The following ATOH8 variants were observed in gnomAD, a reference collection of about 807,000 sequenced individuals.
The protein encoded by ATOH8 is transcription factor ATOH8.
Under a neutral mutation model 21.2 loss-of-function variants are expected in ATOH8, and 9 were observed. The ratio of observed to expected loss-of-function variants is 0.42; its 90% CI spans 0.26 to 0.74. The LOEUF (loss-of-function observed/expected upper bound fraction) is 0.74, where lower values mean the gene tolerates loss of function less well. Among genes scored for constraint, ATOH8 ranks in the 30% least tolerant of loss-of-function variants. ATOH8 has a pLI of 0.24. For synonymous variants in ATOH8, 253 were observed against 224.0 expected (o/e 1.13, Z -1.16); for missense variants, 524 against 470.9 (o/e 1.11, Z -1.04).
At chr2:85,756,717 G>A (rs1236451005) in intron 1 of ATOH8, among the ~76,000 whole-genome samples, 1 of 152,190 alleles carries the variant, frequency 6.6e-6, no homozygotes, top group East Asian at 1.9e-4. Flanking sequence ...CCCAGAGATG[G>A]AAGGAGACTT....
In ATOH8 at chr2:85,790,769, G is replaced by A. The variant is rs13385658; in HGVS notation, c.*3879G>A. 0.049 allele frequency among the ~76,000 whole-genome samples: 7,402 copies of A among 152,266 alleles called. 615 individuals are homozygous for A. The highest frequency in any genetic ancestry group is 0.17 in the African/African-American group (7,068 of 41,512). On this transcript the variant is annotated 3_prime_UTR_variant, in exon 3 of 3. Transcript: ENST00000306279. ...GAGCTTGCCGGTGAGCCTGGACGGAGGCATAGGTGCAGCTAATTAGGATAA... is the reference window on the plus strand; with the variant it reads ...GAGCTTGCCGGTGAGCCTGGACGGAAGCATAGGTGCAGCTAATTAGGATAA...
chr2:85,773,081 G>A (rs916816447), intron 2 of ATOH8: 7 of 354,488 alleles, frequency 2.0e-5, no homozygotes, highest in Admixed American at 1.2e-4. Context: ...GAGTCATTCC[G>A]CCGTCACCCT....
intron 2 of ATOH8, among the ~76,000 whole-genome samples, chr2:85,784,140 T>G (rs534787019): frequency 1.3e-5 from 2 of 152,282 alleles, no homozygotes; most frequent in South Asian, 4.1e-4. Flanking sequence ...TCCTGAGACC[T>G]TCCCCCTGGT....
At chr2:85,757,237 G>A (rs1050854730) in intron 1 of ATOH8, among the ~76,000 whole-genome samples, 3 of 152,252 alleles carry the variant, frequency 2.0e-5, no homozygotes, top group Admixed American at 1.3e-4. Flanking sequence ...GACGTTTCTG[G>A]TCATAGAACC....
Position 85,786,916 on chromosome 2 carries a change from C to G in ATOH8, c.*26C>G, listed in dbSNP as rs200261130. The G allele has an allele frequency of 6.2e-7, 1 of 1,614,104 alleles. No individual in the cohort carries two copies. Among genetic ancestry groups the G allele is most frequent in the East Asian group, 2.2e-5 (1 of 44,884 alleles). On this transcript the variant is annotated 3_prime_UTR_variant, in exon 3 of 3. Transcript: ENST00000306279. ...CTGGCTGCAGGCAAGACCAAGGCCA[C>G]CACTGTGGGCCCTCCTTCCAGTCAG... is the stretch of plus-strand genomic sequence containing the variant.
intron 2 of ATOH8, chr2:85,781,063 C>A (rs149264088): frequency 1.7e-4 from 166 of 988,096 alleles, no homozygotes; most frequent in Non-Finnish European, 1.9e-4. Flanking sequence ...GAAAGCAGAT[C>A]TGTCAAACGC....
chr2:85,756,118 G>A (rs574514548), intron 1 of ATOH8, among the ~76,000 whole-genome samples: 161 of 144,560 alleles, frequency 1.1e-3, no homozygotes, highest in African/African-American at 3.9e-3. Flanking sequence ...GGAGGAAAGA[G>A]GCCCTATGAC....
intron 2 of ATOH8, chr2:85,774,383 C>G: frequency 1.0e-6 from 1 of 985,590 alleles, no homozygotes; most frequent in Non-Finnish European, 1.2e-6. Context: ...CAGGCCCTGG[C>G]TCCCCACATC....
chr2:85,769,292 G>T (rs1007609013), intron 2 of ATOH8, among the ~76,000 whole-genome samples: 1 of 152,228 alleles, frequency 6.6e-6, no homozygotes, highest in South Asian at 2.1e-4. Flanking sequence ...CCCTCAAGTT[G>T]CTCAAAGGCC....
chr2:85,756,730 C>G (rs1350809434), intron 1 of ATOH8, among the ~76,000 whole-genome samples: 1 of 152,168 alleles, frequency 6.6e-6, no homozygotes, highest in African/African-American at 2.4e-5. Flanking sequence ...GGAGACTTGT[C>G]CAAGGTCACC....
chr2:85,767,752 A>C (rs990877318), intron 2 of ATOH8, among the ~76,000 whole-genome samples: 1 of 152,180 alleles, frequency 6.6e-6, no homozygotes. Flanking sequence ...GAAAAAGCAA[A>C]CCAAAGAATT....
intron 2 of ATOH8, chr2:85,783,538 A>G: frequency 6.5e-6 from 1 of 152,806 alleles, no homozygotes. Flanking sequence ...ATTGCGCTCC[A>G]GCCTGGGCAA....
At chr2:85,767,005 C>T (rs891831408) in intron 2 of ATOH8, among the ~76,000 whole-genome samples, 3 of 152,134 alleles carry the variant, frequency 2.0e-5, no homozygotes, top group African/African-American at 7.2e-5. Context: ...GGGGAGGGTA[C>T]TTCCCTGCCT....
chr2:85,775,903 C>T (rs770492051), intron 2 of ATOH8, among the ~76,000 whole-genome samples: 7 of 152,184 alleles, frequency 4.6e-5, no homozygotes, highest in Non-Finnish European at 1.0e-4. Flanking sequence ...AATGTCAGAG[C>T]CCCACTTCTT....
intron 1 of ATOH8, among the ~76,000 whole-genome samples, chr2:85,762,572 GCTATTAGGGCC>G (rs2104503674): frequency 6.6e-6 from 1 of 152,272 alleles, no homozygotes; most frequent in South Asian, 2.1e-4. Context: ...CAGACGGGGT[GCTATTAGGGCC>G]CTATTAAGGG....
At chr2:85,762,887 A>G (rs1463145472) in intron 1 of ATOH8, among the ~76,000 whole-genome samples, 1 of 152,174 alleles carries the variant, frequency 6.6e-6, no homozygotes, top group African/African-American at 2.4e-5. Flanking sequence ...CCTAGGGGAC[A>G]AAATCATCCC....
rs886400097 is a variant in ATOH8, at chr2:85,787,822, T to C, written c.*932T>C. On this transcript the variant is annotated 3_prime_UTR_variant, in exon 3 of 3. Transcript: ENST00000306279. ...CGTGGCCTGAGGAAGGAGTAGAGGC[T>C]GGGTTGGCTGGAGCCGTCCTACTGG... 2.6e-5 allele frequency: 4 copies of C among 152,844 alleles called. No homozygotes were observed. The highest frequency in any genetic ancestry group is 5.9e-5 in the Non-Finnish European group (4 of 68,222). 9.5% of individuals were successfully genotyped at this position (152,844 alleles called of 1,614,324 possible). A position where few individuals can be genotyped will look rare whatever the true frequency, so the allele number is the denominator to read the frequency against.
chr2:85,756,575 T>C (rs551827017), intron 1 of ATOH8, among the ~76,000 whole-genome samples: 6 of 152,314 alleles, frequency 3.9e-5, no homozygotes, highest in African/African-American at 1.4e-4. Flanking sequence ...AGAATACTCA[T>C]CTGAGTGCTT....
chr2:85,777,056 G>A, intron 2 of ATOH8, among the ~76,000 whole-genome samples: 1 of 152,078 alleles, frequency 6.6e-6, no homozygotes, highest in Non-Finnish European at 1.5e-5. Flanking sequence ...AGTAAAACAT[G>A]AAGGGCCCTG....
Sources: allele counts gnomAD v4.1 joint callset (sites outside exome capture counted in the v4.1 genomes callset), GRCh38; gene constraint gnomAD v4.1.1; transcripts MANE v1.5; gene names NCBI Gene and HGNC (gene_info 2026-07-23, HGNC 2026-07-21).